The following CADPS2 variants were observed in gnomAD, a reference collection of about 807,000 sequenced individuals.
CADPS2 encodes calcium-dependent secretion activator 2.
CADPS2 carries 93 observed loss-of-function variants against 172.5 expected under a neutral mutation model. The observed-to-expected ratio is 0.54, with a 90% CI of 0.46 to 0.64. The LOEUF is 0.64. Ranked by LOEUF, CADPS2 falls within the 30% of genes least tolerant of loss-of-function variation. The pLI is 0.00. For missense variants in CADPS2, 1,420 were observed against 1,565.9 expected (o/e 0.91, Z 1.57); for synonymous variants, 546 against 555.2 (o/e 0.98, Z 0.23).
intron 1 of CADPS2, among the ~76,000 whole-genome samples, chr7:122,743,810 A>G (rs568037141): frequency 9.0e-4 from 137 of 152,172 alleles, no homozygotes; most frequent in Non-Finnish European, 1.6e-3. Context: ...AAACAGCTAC[A>G]TCAAACCACT....
intron 28 of CADPS2, among the ~76,000 whole-genome samples, chr7:122,330,564 C>T (rs1326854092): frequency 2.0e-5 from 3 of 152,196 alleles, no homozygotes; most frequent in African/African-American, 7.2e-5. Context: ...ACCAGACCCC[C>T]AGGCACAAGC....
chr7:122,614,138 T>C (rs879712190), intron 6 of CADPS2, among the ~76,000 whole-genome samples: 3 of 151,266 alleles, frequency 2.0e-5, no homozygotes, highest in Non-Finnish European at 4.4e-5. Flanking sequence ...CTGCATGAAG[T>C]CCAGGGTGGA....
chr7:122,429,281 A>T (rs2049578961), intron 17 of CADPS2, among the ~76,000 whole-genome samples: 4 of 150,360 alleles, frequency 2.7e-5, no homozygotes, highest in Non-Finnish European at 3.0e-5. Flanking sequence ...GCTTTTTTTT[A>T]AAATATATAT....
chr7:122,436,289 A>T, intron 17 of CADPS2: 2 of 938,486 alleles, frequency 2.1e-6, no homozygotes, highest in Non-Finnish European at 1.5e-6. Flanking sequence ...TCATGTCTCA[A>T]CAAAGTGCTT....
intron 2 of CADPS2, among the ~76,000 whole-genome samples, chr7:122,694,659 T>TC (rs368466186): frequency 9.2e-5 from 14 of 152,224 alleles, no homozygotes; most frequent in African/African-American, 2.9e-4. Context: ...TACACTCCCT[T>TC]CCCCCCACTT....
intron 15 of CADPS2, among the ~76,000 whole-genome samples, chr7:122,448,530 G>A (rs922029435): frequency 2.6e-5 from 4 of 152,162 alleles, no homozygotes; most frequent in African/African-American, 9.7e-5. Flanking sequence ...AGAGAGGACA[G>A]GAAACTAAAA....
chr7:122,625,398 G>A (rs1279655175), intron 4 of CADPS2, among the ~76,000 whole-genome samples: 1 of 152,048 alleles, frequency 6.6e-6, no homozygotes. Context: ...CCCAGTTGTT[G>A]GATCAAACAT....
At chr7:122,670,966 A>T (rs2081777979) in intron 2 of CADPS2, among the ~76,000 whole-genome samples, 1 of 151,616 alleles carries the variant, frequency 6.6e-6, no homozygotes, top group African/African-American at 2.4e-5. Context: ...CAGGCCTTTT[A>T]AAAACCTCCC....
chr7:122,494,967 T>G (rs1378913200), intron 9 of CADPS2, among the ~76,000 whole-genome samples: 5 of 151,442 alleles, frequency 3.3e-5, no homozygotes, highest in Non-Finnish European at 7.4e-5. Context: ...TTTTTGGGGG[T>G]AAGGGTTAAG....
intron 8 of CADPS2, among the ~76,000 whole-genome samples, chr7:122,529,703 T>C (rs997779363): frequency 6.6e-6 from 1 of 152,066 alleles, no homozygotes; most frequent in Non-Finnish European, 1.5e-5. Context: ...ATAAGATTTA[T>C]TCAGCTTCAA....
intron 3 of CADPS2, among the ~76,000 whole-genome samples, chr7:122,630,502 C>T (rs554301345): frequency 4.6e-5 from 7 of 152,088 alleles, no homozygotes; most frequent in Non-Finnish European, 7.4e-5. Context: ...GGGTGAGGGA[C>T]AGGACTGGAG....
At chr7:122,603,756 T>G (rs893229574) in intron 6 of CADPS2, among the ~76,000 whole-genome samples, 2 of 152,094 alleles carry the variant, frequency 1.3e-5, no homozygotes. Context: ...TATAATCCCC[T>G]GTCATTAACA....
intron 1 of CADPS2, among the ~76,000 whole-genome samples, chr7:122,754,000 A>T (rs878964093): frequency 6.6e-6 from 1 of 152,142 alleles, no homozygotes; most frequent in African/African-American, 2.4e-5. Flanking sequence ...GGCTAATAGG[A>T]TGTGGTGCAG....
Position 122,615,312 on chromosome 7 carries a change from T to C in CADPS2, c.1105-13A>G, listed in dbSNP as rs1454916953. Reference sequence around the variant, plus strand: ...CCATTATGACAATCTAAAGATAAAATGATTTTAAAATAATGCATCAAGTTG... The same window carrying C: ...CCATTATGACAATCTAAAGATAAAACGATTTTAAAATAATGCATCAAGTTG... On this transcript the variant is annotated splice_polypyrimidine_tract_variant and intron_variant, in intron 5 of 29. Transcript: ENST00000449022. The C allele has an allele frequency of 2.0e-6, 3 of 1,490,070 alleles. No homozygotes were observed. Among genetic ancestry groups the C allele is most frequent in the Non-Finnish European group, 2.7e-6 (3 of 1,095,214 alleles). The allele number at this position is 1,490,070 out of a possible 1,614,324, so 92.3% of individuals were successfully genotyped here.
At chr7:122,592,778 A>T (rs559183121) in intron 6 of CADPS2, among the ~76,000 whole-genome samples, 1 of 150,270 alleles carries the variant, frequency 6.7e-6, no homozygotes, top group African/African-American at 2.4e-5. Flanking sequence ...ATAGGTGGGA[A>T]TTGAACAATA....
rs151029285 is a variant in CADPS2, at chr7:122,452,312, C to T, written c.2187-837G>A. Among the ~76,000 whole-genome samples the T allele has an allele frequency of 1.9e-3, 292 of 152,320 alleles. 1 individual carries two copies. Among genetic ancestry groups the T allele is most frequent in the Non-Finnish European group, 3.3e-3 (227 of 68,030 alleles). Reference sequence around the variant, plus strand: ...AAAAGTATGAATCTCATATTCACTTCAAAACCTGTTTATATATTTTAATAA... The same window carrying T: ...AAAAGTATGAATCTCATATTCACTTTAAAACCTGTTTATATATTTTAATAA... On this transcript the variant is annotated intron_variant, in intron 14 of 29. Coordinates refer to ENST00000449022, the MANE Select transcript of CADPS2 (RefSeq NM_017954.11).
At chr7:122,845,892 GA>G (rs2141003220) in intron 1 of CADPS2, among the ~76,000 whole-genome samples, 1 of 152,302 alleles carries the variant, frequency 6.6e-6, no homozygotes, top group Admixed American at 6.5e-5. Flanking sequence ...TACTAAAAGG[GA>G]TAGAGAGGGA....
chr7:122,501,680 C>T (rs1454392280), intron 9 of CADPS2, among the ~76,000 whole-genome samples: 3 of 151,520 alleles, frequency 2.0e-5, no homozygotes, highest in Non-Finnish European at 2.9e-5. Context: ...GAAAATGTAC[C>T]GTAGAGACGG....
chr7:122,546,541 C>T (rs1354190023), intron 8 of CADPS2, among the ~76,000 whole-genome samples: 4 of 124,246 alleles, frequency 3.2e-5, no homozygotes, highest in African/African-American at 1.3e-4. Context: ...CTCTTTAGAC[C>T]TCTGCTGATC....
Sources: gnomAD v4.1 joint callset for allele counts (sites outside exome capture counted in the v4.1 genomes callset) on GRCh38, gnomAD v4.1.1 for gene constraint, MANE v1.5 for transcripts, NCBI Gene and HGNC (gene_info 2026-07-23, HGNC 2026-07-21) for gene names.